CHAF1A: variants seen among roughly 807,000 people sequenced by gnomAD.
CHAF1A encodes chromatin assembly factor 1 subunit A.
CHAF1A carries 5 observed loss-of-function variants against 93.2 expected under a neutral mutation model. The observed-to-expected ratio is 0.05, with a 90% CI of 0.03 to 0.11. The LOEUF (loss-of-function observed/expected upper bound fraction) is 0.11. CHAF1A is among the 10% of genes least tolerant of loss of function. The pLI, the probability that CHAF1A is intolerant of heterozygous loss-of-function variation, is 1.00. For synonymous variants in CHAF1A, 504 were observed against 510.3 expected, an observed-to-expected ratio of 0.99 and a Z score of 0.17; for missense variants, 1,102 against 1,259.9, an observed-to-expected ratio of 0.87 and a Z score of 1.90.
At chr19:4,446,381 C>G, downstream of CHAF1A, 1 of 1,576,872 alleles carries the variant, frequency 6.3e-7, no homozygotes, top group African/African-American at 1.3e-5. Context: ...GGCCTTGGTC[C>G]GCAGCACGCT....
chr19:4,436,923 C>T (rs943983724), intron 13 of CHAF1A, among the ~76,000 whole-genome samples: 6 of 152,324 alleles, frequency 3.9e-5, no homozygotes, highest in Non-Finnish European at 7.3e-5. Context: ...GCTTCGGGGG[C>T]AGTGAGTGCC....
At chr19:4,411,644 CTTTTTTTT>C (rs66491258) in intron 3 of CHAF1A, among the ~76,000 whole-genome samples, 1 of 48,204 alleles carries the variant, frequency 2.1e-5, no homozygotes. Flanking sequence ...TGGTGCAAAT[CTTTTTTTT>C]TTTTTTTTTT....
rs1359938628 is a variant in CHAF1A at position 4,418,024 on chromosome 19, C to T, written c.965C>T (p.Thr322Ile). Reference protein sequence around the residue: ...FPTSTPLRRITKKFVKGSTEK... With the variant: ...FPTSTPLRRIIKKFVKGSTEK... ...ATAAACGTCTTCTGTTTTCAGATAACTAAGAAATTCGTCAAAGGCTCTACA... is the reference window on the plus strand; with the variant it reads ...ATAAACGTCTTCTGTTTTCAGATAATTAAGAAATTCGTCAAAGGCTCTACA... The change falls in exon 4 of 15, where the codon ACT (threonine) becomes ATT (isoleucine). Residue 322 changes from threonine (T) to isoleucine (I), a missense_variant. Thr to Ile is a moderately conservative substitution (Grantham distance 89). Around this residue, in one of 6 missense-constraint regions of CHAF1A, gnomAD observed 379 missense variants for 365.7 expected, o/e 1.04. Transcript: ENST00000301280. The T allele has an allele frequency of 1.2e-6, 2 of 1,601,762 alleles. No individual in the cohort carries two copies. The highest frequency in any genetic ancestry group is 1.3e-5 in the African/African-American group (1 of 74,410).
At chr19:4,436,257 G>A (rs1053529209) in intron 13 of CHAF1A, among the ~76,000 whole-genome samples, 1 of 152,194 alleles carries the variant, frequency 6.6e-6, no homozygotes, top group African/African-American at 2.4e-5. Context: ...GCCTTAATAT[G>A]CTGTGAATCT....
chr19:4,447,182 G>A (rs1033761898), downstream of CHAF1A: 7 of 588,804 alleles, frequency 1.2e-5, no homozygotes, highest in Non-Finnish European at 1.5e-5. Flanking sequence ...CACTGCTGGG[G>A]CCTGATGCGA....
intron 14 of CHAF1A, among the ~76,000 whole-genome samples, chr19:4,442,657 G>A (rs910251206): frequency 5.3e-5 from 8 of 152,242 alleles, no homozygotes; most frequent in African/African-American, 1.4e-4. Context: ...TGGAGCACTC[G>A]CCAAAGAGGA....
intron 8 of CHAF1A, 50 bp downstream of exon 8, chr19:4,428,940 A>G: frequency 6.6e-7 from 1 of 1,515,102 alleles, no homozygotes; most frequent in Non-Finnish European, 9.1e-7. Context: ...GCTGGAGGCC[A>G]GCATCCTGAA....
intron 13 of CHAF1A, among the ~76,000 whole-genome samples, chr19:4,435,087 CTTTTT>C (rs869255408): frequency 9.1e-5 from 8 of 87,966 alleles, no homozygotes; most frequent in African/African-American, 2.8e-4. Flanking sequence ...CTTTTTTTTC[CTTTTT>C]TTTTTTTTTT....
chr19:4,408,192 CTT>C (rs201044725), intron 2 of CHAF1A, among the ~76,000 whole-genome samples: 20 of 136,606 alleles, frequency 1.5e-4, no homozygotes, highest in Admixed American at 4.4e-4. Context: ...CCTGCCCCGT[CTT>C]TTTTTTTTTT....
chr19:4,428,903 G>C lies in CHAF1A; in HGVS notation c.1604+13G>C. On this transcript the variant is annotated intron_variant, in intron 8 of 14. Transcript: ENST00000301280. ...ATATTTTTAACAGGTCAGAGCCTGAGGAGGTCGGCCTTCACCCACTAGTGA... is the reference window on the plus strand; with the variant it reads ...ATATTTTTAACAGGTCAGAGCCTGACGAGGTCGGCCTTCACCCACTAGTGA... 1.2e-6 allele frequency: 2 copies of C among 1,609,398 alleles called. No homozygotes were observed. Among genetic ancestry groups the C allele is most frequent in the Non-Finnish European group, 1.7e-6 (2 of 1,176,326 alleles).
At chr19:4,446,678 C>T (rs761810994), downstream of CHAF1A, 58 of 1,611,460 alleles carry the variant, frequency 3.6e-5, no homozygotes, top group Non-Finnish European at 4.5e-5. Flanking sequence ...TGGGGCTGGG[C>T]CAAGGTGGTC....
chr19:4,427,725 C>G (rs1427026957), intron 7 of CHAF1A, among the ~76,000 whole-genome samples: 1 of 152,210 alleles, frequency 6.6e-6, no homozygotes, highest in South Asian at 2.1e-4. Flanking sequence ...GTAGCTGGGA[C>G]TACAGGTGCA....
At position 4,443,072 on chromosome 19, in the gene CHAF1A, A is replaced by G; in HGVS notation, c.*47A>G. 1 of 1,236,148 alleles carries G rather than the reference A, an allele frequency of 8.1e-7. No homozygotes were observed. The highest frequency in any genetic ancestry group is 1.5e-5 in the African/African-American group (1 of 67,222). The allele number at this position is 1,236,148 out of a possible 1,614,324, so 76.6% of individuals were successfully genotyped here. ...AATGCTTAGGGTGTCCTCCCCACAG[A>G]GCAGATACTTGAACCGACTCAATTC... On this transcript the variant is annotated 3_prime_UTR_variant, in exon 15 of 15. Transcript: ENST00000301280.
intron 3 of CHAF1A, among the ~76,000 whole-genome samples, chr19:4,414,345 G>T (rs1218648226): frequency 6.7e-6 from 1 of 149,224 alleles, no homozygotes; most frequent in Non-Finnish European, 1.5e-5. Flanking sequence ...AGGTTGCGGT[G>T]AGTCATGATT....
intron 4 of CHAF1A, among the ~76,000 whole-genome samples, chr19:4,420,119 C>G (rs1023807543): frequency 2.6e-5 from 4 of 152,140 alleles, no homozygotes; most frequent in Non-Finnish European, 5.9e-5. Context: ...GAGACAAGGG[C>G]AGATATCCTA....
chr19:4,431,353 T>C lies in CHAF1A; in HGVS notation c.1948-599T>C, dbSNP rs560419532. On this transcript the variant is annotated intron_variant, in intron 11 of 14. Transcript: ENST00000301280. The stretch of plus-strand genomic sequence containing the variant: ...TATGTTGGCCAGGCTGGTCTTGAAC[T>C]CCTGACCTCCAGTGATCCACCCGCC... Among the ~76,000 whole-genome samples, 3 of 152,092 alleles carry C rather than the reference T, an allele frequency of 2.0e-5. No individual in the cohort carries two copies. In the East Asian group the frequency reaches 5.8e-4, roughly 29 times the overall value.
chr19:4,445,266 TG>T (rs1974481210), downstream of CHAF1A: 1 of 584,302 alleles, frequency 1.7e-6, no homozygotes, highest in Admixed American at 3.2e-5. Flanking sequence ...TTAGATTTGT[TG>T]GTGTCCCCAG....
At chr19:4,427,966 C>T (rs1311399539) in intron 7 of CHAF1A, among the ~76,000 whole-genome samples, 1 of 152,186 alleles carries the variant, frequency 6.6e-6, no homozygotes, top group Non-Finnish European at 1.5e-5. Context: ...TCAGGTGATC[C>T]GCCCTCCTCA....
intron 13 of CHAF1A, among the ~76,000 whole-genome samples, chr19:4,436,860 C>A (rs187107618): frequency 5.3e-4 from 81 of 152,288 alleles, no homozygotes; most frequent in African/African-American, 1.7e-3. Context: ...TTTCCCCACC[C>A]GGAAAATAGC....
Sources: allele counts gnomAD v4.1 joint callset (sites outside exome capture counted in the v4.1 genomes callset), GRCh38; gene constraint gnomAD v4.1.1; regional missense constraint gnomAD v4.1.1; transcripts MANE v1.5; gene names NCBI Gene and HGNC (gene_info 2026-07-23, HGNC 2026-07-21).